Variants in GPR158 observed in about 807,000 individuals in gnomAD.
GPR158 encodes the protein metabotropic glycine receptor.
Under a neutral mutation model 78.2 loss-of-function variants are expected in GPR158, and 30 were observed. The observed-to-expected ratio is 0.38, with a 90% CI of 0.29 to 0.52. The LOEUF is 0.52. GPR158 is among the 20% of genes least tolerant of loss of function. GPR158 has a pLI of 0.83. For missense variants in GPR158, 1,463 were observed against 1,523.5 expected, an observed-to-expected ratio of 0.96 and a Z score of 0.66; for synonymous variants, 581 against 591.1, an observed-to-expected ratio of 0.98 and a Z score of 0.25.
At chr10:25,373,390 A>T (rs1468433858) in intron 2 of GPR158, among the ~76,000 whole-genome samples, 1 of 151,958 alleles carries the variant, frequency 6.6e-6, no homozygotes, top group Non-Finnish European at 1.5e-5. Context: ...AACCCCCATG[A>T]CAAGATAATA....
chr10:25,374,662 C>A (rs1484849783), intron 2 of GPR158, among the ~76,000 whole-genome samples: 5 of 151,532 alleles, frequency 3.3e-5, no homozygotes, highest in African/African-American at 9.7e-5. Context: ...TAATATGCAA[C>A]CTTTTGAGAC....
intron 2 of GPR158, among the ~76,000 whole-genome samples, chr10:25,373,895 AT>A (rs1447666125): frequency 6.6e-6 from 1 of 151,762 alleles, no homozygotes; most frequent in Non-Finnish European, 1.5e-5. Context: ...AAAGAATGAC[AT>A]TTATGCAGTG....
chr10:25,500,992 A>G (rs1412348342), intron 5 of GPR158, among the ~76,000 whole-genome samples: 3 of 152,186 alleles, frequency 2.0e-5, no homozygotes, highest in Non-Finnish European at 2.9e-5. Context: ...AGTCAAAGTT[A>G]TACAACATGC....
At chr10:25,336,473 A>G (rs556072113) in intron 2 of GPR158, among the ~76,000 whole-genome samples, 1 of 152,054 alleles carries the variant, frequency 6.6e-6, no homozygotes, top group Admixed American at 6.6e-5. Context: ...TCAGGTATCT[A>G]CTTTCCCCCC....
At chr10:25,269,806 A>G (rs1195406744) in intron 2 of GPR158, among the ~76,000 whole-genome samples, 1 of 152,188 alleles carries the variant, frequency 6.6e-6, no homozygotes, top group East Asian at 1.9e-4. Context: ...ATTGTCAGCA[A>G]TGCAGTGAGA....
chr10:25,178,507 CAA>C (rs916842416), intron 1 of GPR158, among the ~76,000 whole-genome samples: 2 of 152,172 alleles, frequency 1.3e-5, no homozygotes, highest in African/African-American at 4.8e-5. Flanking sequence ...GCTGAGGACA[CAA>C]AGAGTCTCAG....
chr10:25,407,081 T>G (rs1834524850), intron 3 of GPR158, among the ~76,000 whole-genome samples: 1 of 152,220 alleles, frequency 6.6e-6, no homozygotes, highest in Non-Finnish European at 1.5e-5. Context: ...TAACTTATTT[T>G]TATATTTTAC....
intron 6 of GPR158, among the ~76,000 whole-genome samples, chr10:25,561,475 C>G (rs1403282176): frequency 1.3e-5 from 2 of 152,104 alleles, no homozygotes; most frequent in Non-Finnish European, 2.9e-5. Flanking sequence ...AATAATTGAC[C>G]ATCTGCTTAT....
chr10:25,230,273 T>G (rs1853430539), intron 2 of GPR158, among the ~76,000 whole-genome samples: 1 of 152,188 alleles, frequency 6.6e-6, no homozygotes, highest in African/African-American at 2.4e-5. Flanking sequence ...ATGTGAATGA[T>G]ATTTGGGAGG....
Position 25,356,699 on chromosome 10 carries a change from C to T in GPR158, c.1009-39212C>T, listed in dbSNP as rs552857210. 2.6e-5 allele frequency among the ~76,000 whole-genome samples: 4 copies of T among 152,118 alleles called. No homozygotes were observed. The South Asian group carries it at 8.3e-4, about 31-fold the overall frequency. On this transcript the variant is annotated intron_variant, in intron 2 of 10. Transcript: ENST00000376351. ...TTCTGCCATGATTGTGAGGCCTCCGCAGCCATGTGAAACTGTAAGTCCAAT... is the reference window on the plus strand; with the variant it reads ...TTCTGCCATGATTGTGAGGCCTCCGTAGCCATGTGAAACTGTAAGTCCAAT...
Position 25,600,232 on chromosome 10 carries a change from A to G in GPR158, c.*958A>G, listed in dbSNP as rs917958849. ...GGACAACTTATCCGTTGTTTATTCA[A>G]AGTCAGAGATAGATAACGCCTTCAT... is the stretch of plus-strand genomic sequence containing the variant. On this transcript the variant is annotated 3_prime_UTR_variant, in exon 11 of 11. Coordinates refer to ENST00000376351, the MANE Select transcript of GPR158 (RefSeq NM_020752.3). 6.5e-6 allele frequency: 1 copy of G among 152,726 alleles called. No individual in the cohort carries two copies. Among genetic ancestry groups the G allele is most frequent in the African/African-American group, 2.4e-5 (1 of 41,564 alleles). The allele number at this position is 152,726 out of a possible 1,614,324, so 9.5% of individuals were successfully genotyped here.
intron 4 of GPR158, among the ~76,000 whole-genome samples, chr10:25,440,875 A>G (rs758361823): frequency 1.3e-4 from 20 of 152,312 alleles, no homozygotes; most frequent in Non-Finnish European, 1.0e-4. Flanking sequence ...AGATAGGATC[A>G]TCTTTGACAT....
At chr10:25,565,145 T>C (rs1254485403) in intron 6 of GPR158, among the ~76,000 whole-genome samples, 2 of 152,224 alleles carry the variant, frequency 1.3e-5, no homozygotes, top group Non-Finnish European at 2.9e-5. Flanking sequence ...ATAAAACTTT[T>C]TCTTGTTGGT....
chr10:25,505,071 T>C lies in GPR158; in HGVS notation c.1404+38352T>C, dbSNP rs545352774. On this transcript the variant is annotated intron_variant, in intron 5 of 10. Transcript: ENST00000376351. ...TAGTGCCTGCCTCATAGAATTGTTA[T>C]GAGGATTAAATTAGATGATACGTGT... 6.6e-5 allele frequency among the ~76,000 whole-genome samples: 10 copies of C among 152,318 alleles called. No homozygotes were observed. The South Asian group carries it at 2.1e-3, about 32-fold the overall frequency.
intron 5 of GPR158, among the ~76,000 whole-genome samples, chr10:25,505,843 A>C (rs2130663384): frequency 6.6e-6 from 1 of 152,044 alleles, no homozygotes; most frequent in African/African-American, 2.4e-5. Flanking sequence ...GTAAGGCTCA[A>C]CTCAGGCTTT....
intron 5 of GPR158, among the ~76,000 whole-genome samples, chr10:25,492,896 ATATAT>A (rs995387277): frequency 1.3e-5 from 2 of 148,410 alleles, no homozygotes; most frequent in Admixed American, 6.8e-5. Flanking sequence ...ACAAATATTA[ATATAT>A]TAATATATAA....
chr10:25,313,223 G>A (rs1854793034), intron 2 of GPR158, among the ~76,000 whole-genome samples: 1 of 132,038 alleles, frequency 7.6e-6, no homozygotes, highest in Admixed American at 9.2e-5. Flanking sequence ...ACTTTATCAT[G>A]TTTAAAAAGC....
chr10:25,471,114 C>A (rs563641991), intron 5 of GPR158, among the ~76,000 whole-genome samples: 1 of 136,548 alleles, frequency 7.3e-6, no homozygotes, highest in African/African-American at 2.7e-5. Context: ...GCCCCTCCCC[C>A]CACCCCATGA....
At chr10:25,198,915 A>G (rs558728101) in intron 1 of GPR158, among the ~76,000 whole-genome samples, 2 of 152,048 alleles carry the variant, frequency 1.3e-5, no homozygotes, top group South Asian at 2.1e-4. Context: ...TGACATCATG[A>G]TGACAAGGCA....
Sources: gnomAD v4.1 joint callset for allele counts (sites outside exome capture counted in the v4.1 genomes callset) on GRCh38, gnomAD v4.1.1 for gene constraint, MANE v1.5 for transcripts, NCBI Gene and HGNC (gene_info 2026-07-23, HGNC 2026-07-21) for gene names.